Variants in SPRR2D observed in about 807,000 individuals in gnomAD.
SPRR2D encodes small proline-rich protein 2D.
For missense variants in SPRR2D, 81 were observed against 87.2 expected, an observed-to-expected ratio of 0.93 and a Z score of 0.28; for synonymous variants, 43 against 32.8, an observed-to-expected ratio of 1.31 and a Z score of -1.06.
rs935768783 is a variant in SPRR2D, at chr1:153,041,090, A to C, written c.-32T>G. On this transcript the variant is annotated 5_prime_UTR_variant, in exon 1 of 2. Transcript: ENST00000360379. The stretch of plus-strand genomic sequence containing the variant: ...GACTCACACTCACCAGGTTCTCCAA[A>C]GCAGATCGGTGCTAGAGTACCAGGA... 5 of 153,986 alleles carry C rather than the reference A, an allele frequency of 3.2e-5. No homozygotes were observed. Among genetic ancestry groups the C allele is most frequent in the African/African-American group, 1.2e-4 (5 of 41,462 alleles). The allele number at this position is 153,986 out of a possible 1,614,324, so 9.5% of individuals were successfully genotyped here.
chr1:153,040,709 GT>G (rs1351551584), intron 1 of SPRR2D: 20 of 376,760 alleles, frequency 5.3e-5, no homozygotes, highest in Non-Finnish European at 9.8e-6. Flanking sequence ...ATTATCTGTA[GT>G]AAAGTCCCAG....
chr1:153,040,597 A>T, intron 1 of SPRR2D: 2 of 717,232 alleles, frequency 2.8e-6, no homozygotes, highest in South Asian at 1.9e-5. Context: ...ATATCTCTGT[A>T]GTAATGAACC....
At chr1:153,040,453 T>C (rs532393770) in intron 1 of SPRR2D, 88 bp from the exon 2 acceptor site, 4 of 1,559,710 alleles carry the variant, frequency 2.6e-6, no homozygotes, top group Admixed American at 3.7e-5. Context: ...AAATATTATT[T>C]CCCCATCTCC....
Position 153,040,093 on chromosome 1 carries a change from T to G in SPRR2D, c.*35A>C. Reference sequence around the variant, plus strand: ...GTGGAACGAGGTGAGCCAATTATCCTTATCCTCTCATGCTCCTGATGAATC... The same window carrying G: ...GTGGAACGAGGTGAGCCAATTATCCGTATCCTCTCATGCTCCTGATGAATC... On this transcript the variant is annotated 3_prime_UTR_variant, in exon 2 of 2. Coordinates refer to ENST00000360379, the MANE Select transcript of SPRR2D (RefSeq NM_006945.5). 6.2e-7 allele frequency: 1 copy of G among 1,601,062 alleles called. No individual in the cohort carries two copies.
chr1:153,040,308 C>T lies in SPRR2D; in HGVS notation c.39G>A (p.Gln13=), dbSNP rs142127047. The T allele has an allele frequency of 4.0e-4, 643 of 1,612,030 alleles. 3 individuals carry two copies. The highest frequency in any genetic ancestry group is 6.5e-4 in the South Asian group (59 of 90,976). Residue 13 remains glutamine, a synonymous_variant, in exon 2 of 2, where the codon CAG becomes CAA. Transcript: ENST00000360379. ...TTGGCGTGGGGCACACAGGAGGTGG[C>T]TGGCAGGGCTGCTTGCACTGCTGCT... The part of the protein sequence containing the change: ...YQQQQCKQPC[Q]PPPVCPTPKC...
chr1:153,040,427 C>T (rs931769921), intron 1 of SPRR2D, 62 bp from the exon 2 acceptor site: 54 of 1,601,326 alleles, frequency 3.4e-5, no homozygotes, highest in Middle Eastern at 2.2e-4. Context: ...GAAGCTAATG[C>T]TTATGTAATA....
chr1:153,039,981 G>T lies in SPRR2D; in HGVS notation c.*147C>A. The T allele has an allele frequency of 6.9e-7, 1 of 1,439,722 alleles. No individual in the cohort carries two copies. Among genetic ancestry groups the T allele is most frequent in the South Asian group, 1.4e-5 (1 of 72,522 alleles). The allele number at this position is 1,439,722 out of a possible 1,614,324, so 89.2% of individuals were successfully genotyped here. On this transcript the variant is annotated 3_prime_UTR_variant, in exon 2 of 2. Coordinates refer to ENST00000360379, the MANE Select transcript of SPRR2D (RefSeq NM_006945.5). ...AGAAAGGGAATCTTTTGCTGTCACA[G>T]ATCATCACAGGCAGGCCACAGGTTA...
At chr1:153,040,735 C>T in intron 1 of SPRR2D, 1 of 317,576 alleles carries the variant, frequency 3.1e-6, no homozygotes, top group Non-Finnish European at 5.9e-6. Context: ...TTGACTTGAG[C>T]ACAGAACAAA....
rs747733147 is a variant in SPRR2D at position 153,040,132 on chromosome 1, T to G, written c.215A>C (p.Lys72Thr). 2 of 1,612,566 alleles carry G rather than the reference T, an allele frequency of 1.2e-6. No individual in the cohort carries two copies. The highest frequency in any genetic ancestry group is 4.5e-5 in the East Asian group (2 of 44,886). ...PCQPKCPPKSK is the reference protein window; with the variant it reads ...PCQPKCPPKST ...TCCTGATGAATCCTGAAGCTGTTAC[T>G]TGCTCTTGGGTGGACACTTTGGCTG... Residue 72 changes from lysine (K) to threonine (T), a missense_variant, in exon 2 of 2, where the codon AAG (lysine) becomes ACG (threonine). By Grantham distance (78) the Lys-to-Thr change is moderately conservative. Coordinates refer to ENST00000360379, the MANE Select transcript of SPRR2D (RefSeq NM_006945.5).
At position 153,040,258 on chromosome 1, in the gene SPRR2D, G is replaced by A. The variant is rs778242064; in HGVS notation, c.89C>T (p.Pro30Leu). ...TPKCPEPCPP[P>L]KCPEPCPSPK... ...TGATGGGCAGGGCTCAGGGCACTTC[G>A]GGGGTGGACATGGCTCTGGGCACTT... The change falls in exon 2 of 2, where the codon CCG (proline) becomes CTG (leucine). Residue 30 changes from proline to leucine, a missense_variant. Pro to Leu is a moderately conservative substitution (Grantham distance 98, BLOSUM62 -3). Coordinates refer to ENST00000360379, the MANE Select transcript of SPRR2D (RefSeq NM_006945.5). The A allele has an allele frequency of 1.2e-5, 19 of 1,612,440 alleles. No homozygotes were observed. Among genetic ancestry groups the A allele is most frequent in the African/African-American group, 4.0e-5 (3 of 74,846 alleles).
Position 153,040,269 on chromosome 1 carries a change from T to A in SPRR2D, c.78A>T (p.Pro26=), listed in dbSNP as rs112598608. Residue 26 remains proline (P), a synonymous_variant, in exon 2 of 2, where the codon CCA becomes CCT. Coordinates refer to ENST00000360379, the MANE Select transcript of SPRR2D (RefSeq NM_006945.5). ...GCTCAGGGCACTTCGGGGGTGGACATGGCTCTGGGCACTTTGGCGTGGGGC... is the reference window on the plus strand; with the variant it reads ...GCTCAGGGCACTTCGGGGGTGGACAAGGCTCTGGGCACTTTGGCGTGGGGC... ...PVCPTPKCPE[P]CPPPKCPEPC... The A allele has an allele frequency of 9.9e-6, 16 of 1,612,430 alleles. No individual in the cohort carries two copies. In the East Asian group the frequency reaches 2.0e-4, roughly 20 times the overall value.
chr1:153,040,486 C>T lies in SPRR2D; in HGVS notation c.-19-121G>A, dbSNP rs182868348. Reference sequence around the variant, plus strand: ...TCCAAGAAATTATTTAAACTCTTAACTGCCTTTTCAAGACTACTTCGTTTC... The same window carrying T: ...TCCAAGAAATTATTTAAACTCTTAATTGCCTTTTCAAGACTACTTCGTTTC... On this transcript the variant is annotated intron_variant, in intron 1 of 1. Coordinates refer to ENST00000360379, the MANE Select transcript of SPRR2D (RefSeq NM_006945.5). 202 of 1,470,810 alleles carry T rather than the reference C, an allele frequency of 1.4e-4. 2 individuals carry two copies. In the African/African-American group the frequency reaches 2.6e-3, roughly 19 times the overall value. 91.1% of individuals were successfully genotyped at this position (1,470,810 alleles called of 1,614,324 possible).
chr1:153,040,094 T>C lies in SPRR2D; in HGVS notation c.*34A>G. ...TGGAACGAGGTGAGCCAATTATCCT[T>C]ATCCTCTCATGCTCCTGATGAATCC... On this transcript the variant is annotated 3_prime_UTR_variant, in exon 2 of 2. Coordinates refer to ENST00000360379, the MANE Select transcript of SPRR2D (RefSeq NM_006945.5). 6.2e-7 allele frequency: 1 copy of C among 1,601,708 alleles called. No individual in the cohort carries two copies. The highest frequency in any genetic ancestry group is 1.1e-5 in the South Asian group (1 of 88,418).
At chr1:153,040,402 A>C (rs1218904012) in intron 1 of SPRR2D, 37 bp from the exon 2 acceptor site, 4 of 1,607,502 alleles carry the variant, frequency 2.5e-6, no homozygotes, top group Non-Finnish European at 3.4e-6. Context: ...GTGGGAAGGG[A>C]CTCCTCCAGA....
Position 153,039,877 on chromosome 1 carries a change from TTCC to T in SPRR2D, c.*248_*250del. The T allele has an allele frequency of 1.4e-6, 1 of 689,662 alleles. No homozygotes were observed. 42.7% of individuals were successfully genotyped at this position (689,662 alleles called of 1,614,324 possible). ...CCAGGGAGAGAGCTGCTGCTCTTTC[TTCC>T]GAAGCTCTGGGAGCTGGCACAGCTG... On this transcript the variant is annotated 3_prime_UTR_variant, in exon 2 of 2. Coordinates refer to ENST00000360379, the MANE Select transcript of SPRR2D (RefSeq NM_006945.5).
chr1:153,039,991 G>T lies in SPRR2D; in HGVS notation c.*137C>A, dbSNP rs1653940527. The T allele has an allele frequency of 1.4e-6, 2 of 1,471,604 alleles. No homozygotes were observed. Among genetic ancestry groups the T allele is most frequent in the Non-Finnish European group, 1.8e-6 (2 of 1,093,724 alleles). The allele number at this position is 1,471,604 out of a possible 1,614,324, so 91.2% of individuals were successfully genotyped here. A position where few individuals can be genotyped will look rare whatever the true frequency, so the allele number is the denominator to read the frequency against. ...TCTTTTGCTGTCACAGATCATCACA[G>T]GCAGGCCACAGGTTAAGGAGAAAGA... On this transcript the variant is annotated 3_prime_UTR_variant, in exon 2 of 2. Coordinates refer to ENST00000360379, the MANE Select transcript of SPRR2D (RefSeq NM_006945.5).
chr1:153,040,329 C>T lies in SPRR2D; in HGVS notation c.18G>A (p.Gln6=). Reference sequence around the variant, plus strand: ...GTGGCTGGCAGGGCTGCTTGCACTGCTGCTGTTGATAAGACATCCTGCTGG... The same window carrying T: ...GTGGCTGGCAGGGCTGCTTGCACTGTTGCTGTTGATAAGACATCCTGCTGG... MSYQQ[Q]QCKQPCQPPP... The change falls in exon 2 of 2, where the codon CAG becomes CAA. Residue 6 remains glutamine, a synonymous_variant. Coordinates refer to ENST00000360379, the MANE Select transcript of SPRR2D (RefSeq NM_006945.5). 6.2e-7 allele frequency: 1 copy of T among 1,611,858 alleles called. No homozygotes were observed.
At position 153,040,055 on chromosome 1, in the gene SPRR2D, T is replaced by G. The variant is rs1165343290; in HGVS notation, c.*73A>C. 6.4e-7 allele frequency: 1 copy of G among 1,564,682 alleles called. No homozygotes were observed. Among genetic ancestry groups the G allele is most frequent in the African/African-American group, 1.4e-5 (1 of 74,054 alleles). On this transcript the variant is annotated 3_prime_UTR_variant, in exon 2 of 2. Coordinates refer to ENST00000360379, the MANE Select transcript of SPRR2D (RefSeq NM_006945.5). ...TCCATGGAAGGCTTTGGTGAGAAGA[T>G]GCAAGTGGAGCTGTGGAACGAGGTG...
chr1:153,040,234 G>A lies in SPRR2D; in HGVS notation c.113C>T (p.Ser38Leu). Residue 38 changes from serine to leucine, a missense_variant, in exon 2 of 2, where the codon TCA (serine) becomes TTA (leucine). Ser to Leu is a moderately radical substitution (Grantham distance 145). Transcript: ENST00000360379. The part of the protein sequence containing the change: ...PPPKCPEPCP[S>L]PKCPQPCPPQ... ...TGGGCAGGGCTGTGGACACTTTGGTGATGGGCAGGGCTCAGGGCACTTCGG... is the reference window on the plus strand; with the variant it reads ...TGGGCAGGGCTGTGGACACTTTGGTAATGGGCAGGGCTCAGGGCACTTCGG... 1.2e-6 allele frequency: 2 copies of A among 1,612,704 alleles called. No individual in the cohort carries two copies. Among genetic ancestry groups the A allele is most frequent in the South Asian group, 1.1e-5 (1 of 91,004 alleles).
Sources: gnomAD v4.1 joint callset for allele counts on GRCh38, gnomAD v4.1.1 for gene constraint, MANE v1.5 for transcripts, NCBI Gene and HGNC (gene_info 2026-07-23, HGNC 2026-07-21) for gene names.